The following DGKB variants were observed in gnomAD, a reference collection of about 807,000 sequenced individuals.
DGKB encodes diacylglycerol kinase beta, also known as 90 kDa diacylglycerol kinase.
Under a neutral mutation model 114.3 loss-of-function variants are expected in DGKB, and 67 were observed. That is an observed-to-expected ratio of 0.59 (90% CI 0.48 to 0.72). The LOEUF (loss-of-function observed/expected upper bound fraction) is 0.72. DGKB is among the 30% of genes least tolerant of loss of function. DGKB has a pLI of 0.00. For synonymous variants in DGKB, 398 were observed against 323.1 expected, an observed-to-expected ratio of 1.23 and a Z score of -2.49; for missense variants, 907 against 975.2, an observed-to-expected ratio of 0.93 and a Z score of 0.93.
chr7:14,493,919 G>T (rs1784929203), intron 20 of DGKB, among the ~76,000 whole-genome samples: 1 of 131,990 alleles, frequency 7.6e-6, no homozygotes, highest in African/African-American at 3.1e-5. Flanking sequence ...GGCTATCATG[G>T]TATCATACAC....
At chr7:14,926,267 T>TCAGA (rs1217251318) in intron 1 of DGKB, among the ~76,000 whole-genome samples, 1 of 152,068 alleles carries the variant, frequency 6.6e-6, no homozygotes, top group Non-Finnish European at 1.5e-5. Flanking sequence ...AAAATTCTTG[T>TCAGA]CAGACAACCA....
chr7:14,660,127 T>A (rs144376299), intron 13 of DGKB, among the ~76,000 whole-genome samples: 1 of 150,874 alleles, frequency 6.6e-6, no homozygotes, highest in African/African-American at 2.4e-5. Context: ...CTGCTGGATT[T>A]GTTTTGCCAG....
chr7:14,146,221 C>G lies in DGKB; in HGVS notation c.*2910G>C, dbSNP rs769013155. The G allele has an allele frequency of 6.6e-6, 1 of 152,140 alleles. No individual in the cohort carries two copies. Among genetic ancestry groups the G allele is most frequent in the Non-Finnish European group, 1.5e-5 (1 of 68,034 alleles). The allele number at this position is 152,140 out of a possible 1,614,324, so 9.4% of individuals were successfully genotyped here. A position where few individuals can be genotyped will look rare whatever the true frequency, so the allele number is the denominator to read the frequency against. On this transcript the variant is annotated 3_prime_UTR_variant, in exon 26 of 26. Transcript: ENST00000402815. ...AATAAATTTACGTCTTTTAAACTTTCTGGTTCTATGTAGATACCTCCCTTC... is the reference window on the plus strand; with the variant it reads ...AATAAATTTACGTCTTTTAAACTTTGTGGTTCTATGTAGATACCTCCCTTC...
chr7:14,675,147 T>C (rs2128953886), intron 12 of DGKB, among the ~76,000 whole-genome samples: 1 of 151,504 alleles, frequency 6.6e-6, no homozygotes, highest in African/African-American at 2.4e-5. Context: ...AAAAACCTAT[T>C]TGTGTTTACA....
intron 23 of DGKB, among the ~76,000 whole-genome samples, chr7:14,285,161 T>A (rs964350581): frequency 6.6e-6 from 1 of 152,194 alleles, no homozygotes; most frequent in Non-Finnish European, 1.5e-5. Flanking sequence ...TTTACTCCTA[T>A]TTCCTAATAT....
chr7:14,705,353 G>T (rs541812533), intron 6 of DGKB, among the ~76,000 whole-genome samples: 1 of 149,158 alleles, frequency 6.7e-6, no homozygotes, highest in African/African-American at 2.4e-5. Flanking sequence ...TGGTGTACCT[G>T]AAAGTGATGG....
chr7:14,442,640 T>G (rs1830228732), intron 21 of DGKB, among the ~76,000 whole-genome samples: 1 of 152,176 alleles, frequency 6.6e-6, no homozygotes, highest in Non-Finnish European at 1.5e-5. Flanking sequence ...ATTTCTATAA[T>G]AATTCTGTTG....
rs531773387 is a variant in DGKB, at chr7:14,157,977, A to C, written c.2305-8739T>G. ...TTCTATATGGCCTTTTTCACGTAGT[A>C]ATGGTGTTAAGGACATAGACCCAGG... On this transcript the variant is annotated intron_variant, in intron 25 of 25. Transcript: ENST00000402815. Among the ~76,000 whole-genome samples, 30 of 152,320 alleles carry C rather than the reference A, an allele frequency of 2.0e-4. No individual in the cohort carries two copies. The South Asian group carries it at 6.0e-3, about 30-fold the overall frequency.
intron 23 of DGKB, among the ~76,000 whole-genome samples, chr7:14,250,206 C>G (rs1795029286): frequency 1.3e-5 from 2 of 150,934 alleles, no homozygotes; most frequent in South Asian, 4.2e-4. Flanking sequence ...TGGGCTCAAG[C>G]AATCTGCCTG....
intron 23 of DGKB, among the ~76,000 whole-genome samples, chr7:14,244,278 CT>C (rs1167719304): frequency 5.3e-5 from 8 of 152,198 alleles, no homozygotes; most frequent in African/African-American, 1.9e-4. Context: ...TCATAAGAGC[CT>C]TTAGCTCAAT....
intron 20 of DGKB, among the ~76,000 whole-genome samples, chr7:14,506,397 A>C (rs1216470401): frequency 6.6e-6 from 1 of 152,308 alleles, no homozygotes; most frequent in African/African-American, 2.4e-5. Flanking sequence ...AAGAGAAAAA[A>C]ATAGACTATG....
intron 13 of DGKB, among the ~76,000 whole-genome samples, chr7:14,637,008 G>C (rs985376362): frequency 2.6e-5 from 4 of 151,810 alleles, no homozygotes; most frequent in Non-Finnish European, 5.9e-5. Flanking sequence ...TTTAAAAATA[G>C]TAAATGCACA....
intron 20 of DGKB, among the ~76,000 whole-genome samples, chr7:14,552,966 T>G (rs963497638): frequency 3.3e-5 from 5 of 152,200 alleles, no homozygotes; most frequent in African/African-American, 1.2e-4. Flanking sequence ...CCAGTGGTCT[T>G]AAGGCTGATA....
intron 14 of DGKB, among the ~76,000 whole-genome samples, chr7:14,627,905 T>C (rs1808905325): frequency 6.6e-6 from 1 of 151,434 alleles, no homozygotes; most frequent in African/African-American, 2.4e-5. Context: ...ATCATGCCAC[T>C]GTACTCCAGC....
rs374947333 is a variant in DGKB at position 14,237,635 on chromosome 7, A to G, written c.2123-59484T>C. Reference sequence around the variant, plus strand: ...TATATAATTCATGCTTTTATTTTGAATATGAATCAGAAACAGGCCTGAGAG... The same window carrying G: ...TATATAATTCATGCTTTTATTTTGAGTATGAATCAGAAACAGGCCTGAGAG... On this transcript the variant is annotated intron_variant, in intron 23 of 25. Coordinates refer to ENST00000402815, the MANE Select transcript of DGKB (RefSeq NM_001350709.2). 2.0e-5 allele frequency among the ~76,000 whole-genome samples: 3 copies of G among 151,968 alleles called. No individual in the cohort carries two copies. In the East Asian group the frequency reaches 5.8e-4, roughly 29 times the overall value.
At position 14,613,405 on chromosome 7, in the gene DGKB, A is replaced by G; in HGVS notation, c.1293T>C (p.Pro431=). The part of the protein sequence containing the change: ...TVDGQGLQVT[P]VPGTHPLLVF... ...CTAAAAGTGGGTGAGTACCAGGCAC[A>G]GGAGTGACCTATAAGAAAAGTTATA... Residue 431 remains proline (P), a synonymous_variant, in exon 16 of 26, where the codon CCT becomes CCC. Transcript: ENST00000402815. 3 of 1,558,334 alleles carry G rather than the reference A, an allele frequency of 1.9e-6. No individual in the cohort carries two copies. The highest frequency in any genetic ancestry group is 1.7e-6 in the Non-Finnish European group (2 of 1,147,360).
intron 21 of DGKB, among the ~76,000 whole-genome samples, chr7:14,467,794 C>G (rs971590387): frequency 6.6e-6 from 1 of 151,894 alleles, no homozygotes; most frequent in Admixed American, 6.6e-5. Context: ...GTAACTAATG[C>G]TTATGTGGAG....
chr7:14,811,988 G>C (rs1043332842), intron 2 of DGKB, among the ~76,000 whole-genome samples: 4 of 151,770 alleles, frequency 2.6e-5, no homozygotes, highest in East Asian at 1.9e-4. Flanking sequence ...CATTCTACCT[G>C]TGTTTCTGCG....
intron 20 of DGKB, among the ~76,000 whole-genome samples, chr7:14,520,472 T>C (rs935758658): frequency 3.9e-5 from 6 of 151,950 alleles, no homozygotes; most frequent in African/African-American, 1.2e-4. Flanking sequence ...TCTATAAATG[T>C]TCCTCTAAAC....
Sources: allele counts gnomAD v4.1 joint callset (sites outside exome capture counted in the v4.1 genomes callset), GRCh38; gene constraint gnomAD v4.1.1; transcripts MANE v1.5; gene names NCBI Gene and HGNC (gene_info 2026-07-23, HGNC 2026-07-21).